The following ORAI3 variants were observed in gnomAD, a reference collection of about 807,000 sequenced individuals.
ORAI3 encodes ORAI calcium release-activated calcium modulator 3.
In ORAI3, 15 loss-of-function variants were observed where a neutral mutation model predicts 17.2. The observed-to-expected ratio is 0.87, with a 90% CI of 0.58 to 1.34. ORAI3 has a LOEUF of 1.34. Ranked by LOEUF, ORAI3 falls within the 40% of genes most tolerant of loss-of-function variation. The pLI is 0.00. For missense variants in ORAI3, 405 were observed against 396.7 expected (o/e 1.02, Z -0.18); for synonymous variants, 178 against 172.4 (o/e 1.03, Z -0.25).
intron 1 of ORAI3, among the ~76,000 whole-genome samples, chr16:30,950,865 A>G (rs1257706436): frequency 2.0e-5 from 3 of 152,112 alleles, no homozygotes; most frequent in South Asian, 4.1e-4. Context: ...CAAGGAGACA[A>G]TCCCTCCACG....
chr16:30,949,358 C>T lies in ORAI3; in HGVS notation c.69C>T (p.Gly23=). 1 of 1,555,904 alleles carries T rather than the reference C, an allele frequency of 6.4e-7. No individual in the cohort carries two copies. The highest frequency in any genetic ancestry group is 8.7e-7 in the Non-Finnish European group (1 of 1,152,502). Reference sequence around the variant, plus strand: ...ACCCTGAGGGCGAGAGCCCTGCAGGCTCGGCCACGTACCGGGAGTTCGTGC... The same window carrying T: ...ACCCTGAGGGCGAGAGCCCTGCAGGTTCGGCCACGTACCGGGAGTTCGTGC... The part of the protein sequence containing the change: ...PLNPEGESPA[G]SATYREFVHR... The change falls in exon 1 of 2, where the codon GGC becomes GGT. Residue 23 remains glycine, a synonymous_variant. Transcript: ENST00000318663.
chr16:30,953,850 G>C lies in ORAI3; in HGVS notation c.*6G>C. 6.2e-7 allele frequency: 1 copy of C among 1,600,802 alleles called. No individual in the cohort carries two copies. The highest frequency in any genetic ancestry group is 8.5e-7 in the Non-Finnish European group (1 of 1,174,128). On this transcript the variant is annotated 3_prime_UTR_variant, in exon 2 of 2. Transcript: ENST00000318663. ...GGGAGCTGCAGGCTGTGTGAGACTGGTGTTAGCCACCGCTCACTGCAAGCA... is the reference window on the plus strand; with the variant it reads ...GGGAGCTGCAGGCTGTGTGAGACTGCTGTTAGCCACCGCTCACTGCAAGCA...
chr16:30,949,373 G>GGAGTTCGTGCACCGC lies in ORAI3; in HGVS notation c.86_100dup (p.Glu29_Arg33dup), dbSNP rs778546385. On this transcript the variant is annotated inframe_insertion, in exon 1 of 2. Coordinates refer to ENST00000318663, the MANE Select transcript of ORAI3 (RefSeq NM_152288.3). ...GCCCTGCAGGCTCGGCCACGTACCG[G>GGAGTTCGTGCACCGC]GAGTTCGTGCACCGCGGCTACCTGG... The GGAGTTCGTGCACCGC allele has an allele frequency of 1.0e-5, 16 of 1,574,002 alleles. No homozygotes were observed. The South Asian group carries it at 1.7e-4, about 17-fold the overall frequency.
chr16:30,953,926 C>A lies in ORAI3; in HGVS notation c.*82C>A. On this transcript the variant is annotated 3_prime_UTR_variant, in exon 2 of 2. Coordinates refer to ENST00000318663, the MANE Select transcript of ORAI3 (RefSeq NM_152288.3). ...GGCCGCAGGGGCCTACAGACCTCAT[C>A]CCCCCATCCCCTGGCTGGAGCCACT... 7.0e-7 allele frequency: 1 copy of A among 1,428,872 alleles called. No individual in the cohort carries two copies. Among genetic ancestry groups the A allele is most frequent in the Non-Finnish European group, 9.6e-7 (1 of 1,046,092 alleles). 88.5% of individuals were successfully genotyped at this position (1,428,872 alleles called of 1,614,324 possible). A position where few individuals can be genotyped will look rare whatever the true frequency, so the allele number is the denominator to read the frequency against.
chr16:30,954,030 T>G lies in ORAI3; in HGVS notation c.*186T>G. ...GCTGGGCCTTGGGGCAGCTCCCACATTCCCAGGGATTTTCCCCATCAGTCT... is the reference window on the plus strand; with the variant it reads ...GCTGGGCCTTGGGGCAGCTCCCACAGTCCCAGGGATTTTCCCCATCAGTCT... On this transcript the variant is annotated 3_prime_UTR_variant, in exon 2 of 2. Transcript: ENST00000318663. 1 of 727,356 alleles carries G rather than the reference T, an allele frequency of 1.4e-6. No homozygotes were observed. The highest frequency in any genetic ancestry group is 2.5e-6 in the Non-Finnish European group (1 of 407,638). The allele number at this position is 727,356 out of a possible 1,614,324, so 45.1% of individuals were successfully genotyped here.
chr16:30,950,023 C>T (rs1567344061), intron 1 of ORAI3, among the ~76,000 whole-genome samples: 1 of 152,160 alleles, frequency 6.6e-6, no homozygotes, highest in Non-Finnish European at 1.5e-5. Flanking sequence ...GGAAAACTGA[C>T]AAGAGATCAT....
intron 1 of ORAI3, among the ~76,000 whole-genome samples, chr16:30,951,900 G>C (rs1322678532): frequency 6.6e-6 from 1 of 152,104 alleles, no homozygotes; most frequent in Non-Finnish European, 1.5e-5. Context: ...CATTTTTTAA[G>C]AAACACACTG....
At position 30,953,318 on chromosome 16, in the gene ORAI3, C is replaced by A; in HGVS notation, c.362C>A (p.Pro121His). Residue 121 changes from proline (P) to histidine (H), a missense_variant, in exon 2 of 2, where the codon CCC becomes CAC. Transcript: ENST00000318663. ...CTCATGGTCTCCACGTGTCTGCTGC[C>A]CCACATTGAAGCTGTGAGCAACATC... is the stretch of plus-strand genomic sequence containing the variant. ...FALMVSTCLL[P>H]HIEAVSNIHN... The A allele has an allele frequency of 6.2e-7, 1 of 1,614,174 alleles. No individual in the cohort carries two copies. Among genetic ancestry groups the A allele is most frequent in the Non-Finnish European group, 8.5e-7 (1 of 1,180,020 alleles).
chr16:30,950,509 AAGTG>A (rs1334027924), intron 1 of ORAI3, among the ~76,000 whole-genome samples: 1 of 152,080 alleles, frequency 6.6e-6, no homozygotes, highest in Non-Finnish European at 1.5e-5. Flanking sequence ...AAAAAGGAGA[AAGTG>A]AGCTGCAGGA....
Position 30,953,170 on chromosome 16 carries a change from C to T in ORAI3, c.229-15C>T, listed in dbSNP as rs1221641863. ...GGTTATGGGGAGATCAGTACATCCC[C>T]TCTTGTCCCTGCAGGTGGCCATGGT... is the stretch of plus-strand genomic sequence containing the variant. On this transcript the variant is annotated splice_polypyrimidine_tract_variant and intron_variant, in intron 1 of 1. Transcript: ENST00000318663. The T allele has an allele frequency of 5.7e-6, 9 of 1,566,480 alleles. No individual in the cohort carries two copies. In the South Asian group the frequency reaches 8.6e-5, roughly 15 times the overall value.
chr16:30,952,125 T>C (rs1383112098), intron 1 of ORAI3, among the ~76,000 whole-genome samples: 4 of 95,678 alleles, frequency 4.2e-5, no homozygotes, highest in African/African-American at 1.7e-4. Context: ...CTTTCTTATC[T>C]TTCTTTTTTT....
Position 30,949,207 on chromosome 16 carries a change from C to A in ORAI3, c.-83C>A. The A allele has an allele frequency of 1.0e-6, 1 of 992,346 alleles. No homozygotes were observed. Among genetic ancestry groups the A allele is most frequent in the Non-Finnish European group, 1.4e-6 (1 of 730,796 alleles). 61.5% of individuals were successfully genotyped at this position (992,346 alleles called of 1,614,324 possible). A position where few individuals can be genotyped will look rare whatever the true frequency, so the allele number is the denominator to read the frequency against. On this transcript the variant is annotated 5_prime_UTR_variant, in exon 1 of 2. Transcript: ENST00000318663. Reference sequence around the variant, plus strand: ...CTCGTCCTGTCTGGGAATGGGGCCGCCCCCGGGCTTGGGCCGGCCCGGCTG... The same window carrying A: ...CTCGTCCTGTCTGGGAATGGGGCCGACCCCGGGCTTGGGCCGGCCCGGCTG...
At chr16:30,949,654 C>T in intron 1 of ORAI3, 137 bp downstream of exon 1, 3 of 720,084 alleles carry the variant, frequency 4.2e-6, no homozygotes, top group South Asian at 1.8e-5. Context: ...AACAAGGTCC[C>T]GCGGGACTGA....
chr16:30,953,640 C>T lies in ORAI3; in HGVS notation c.684C>T (p.Pro228=). 1.2e-6 allele frequency: 2 copies of T among 1,613,842 alleles called. No homozygotes were observed. The highest frequency in any genetic ancestry group is 1.1e-5 in the South Asian group (1 of 91,020). ...APSQAEPACP[P]RQACGGGGAH... is the part of the protein sequence containing the mutation. ...CCCAAGCTGAGCCAGCCTGCCCACCCCGGCAAGCCTGTGGTGGTGGTGGGG... is the reference window on the plus strand; with the variant it reads ...CCCAAGCTGAGCCAGCCTGCCCACCTCGGCAAGCCTGTGGTGGTGGTGGGG... Residue 228 remains proline (P), a synonymous_variant, in exon 2 of 2, where the codon CCC becomes CCT. Transcript: ENST00000318663.
At chr16:30,950,964 G>A (rs1406399359) in intron 1 of ORAI3, among the ~76,000 whole-genome samples, 2 of 152,188 alleles carry the variant, frequency 1.3e-5, no homozygotes, top group Admixed American at 6.5e-5. Context: ...TTTAGGTTCC[G>A]GGGGCAGGAC....
At chr16:30,951,315 C>T (rs992608408) in intron 1 of ORAI3, among the ~76,000 whole-genome samples, 24 of 152,290 alleles carry the variant, frequency 1.6e-4, no homozygotes, top group African/African-American at 5.8e-4. Flanking sequence ...CCTTTATATA[C>T]ATCATCTGTT....
At chr16:30,950,670 T>C (rs1421739628) in intron 1 of ORAI3, among the ~76,000 whole-genome samples, 1 of 152,122 alleles carries the variant, frequency 6.6e-6, no homozygotes, top group Non-Finnish European at 1.5e-5. Flanking sequence ...TCTCTAACCC[T>C]AAGGGTCATC....
At position 30,949,462 on chromosome 16, in the gene ORAI3, G is replaced by C. The variant is rs1177738494; in HGVS notation, c.173G>C (p.Arg58Pro). Residue 58 changes from arginine (R) to proline (P), a missense_variant, in exon 1 of 2, where the codon CGG (arginine) becomes CCG (proline). Transcript: ENST00000318663. Reference protein sequence around the residue: ...ALSWRRLYLSRAKLKASSRTS... With the variant: ...ALSWRRLYLSPAKLKASSRTS... Reference sequence around the variant, plus strand: ...AGCTGGCGCCGCCTCTACCTCAGCCGGGCCAAGCTCAAAGCTTCCAGCCGC... The same window carrying C: ...AGCTGGCGCCGCCTCTACCTCAGCCCGGCCAAGCTCAAAGCTTCCAGCCGC... The C allele has an allele frequency of 1.2e-6, 2 of 1,608,450 alleles. No homozygotes were observed. Among genetic ancestry groups the C allele is most frequent in the Non-Finnish European group, 1.7e-6 (2 of 1,178,730 alleles).
Position 30,949,270 on chromosome 16 carries a change from G to A in ORAI3, c.-20G>A. The stretch of plus-strand genomic sequence containing the variant: ...CGCTTCCGCCCCGTAGTGACCGCCT[G>A]GTGCCGCCCCCCCCCCAGGATGAAG... On this transcript the variant is annotated 5_prime_UTR_variant, in exon 1 of 2. Transcript: ENST00000318663. 3.6e-6 allele frequency: 5 copies of A among 1,386,728 alleles called. No individual in the cohort carries two copies. The highest frequency in any genetic ancestry group is 2.8e-6 in the Non-Finnish European group (3 of 1,076,246). The allele number at this position is 1,386,728 out of a possible 1,614,324, so 85.9% of individuals were successfully genotyped here.
Sources: gnomAD v4.1 joint callset for allele counts (sites outside exome capture counted in the v4.1 genomes callset) on GRCh38, gnomAD v4.1.1 for gene constraint, MANE v1.5 for transcripts, NCBI Gene and HGNC (gene_info 2026-07-23, HGNC 2026-07-21) for gene names.